Variants in MAP9 observed in about 807,000 individuals in gnomAD.
MAP9 encodes microtubule-associated protein 9.
In MAP9, 80 loss-of-function variants were observed where a neutral mutation model predicts 75.2. The observed-to-expected ratio is 1.06, with a 90% CI of 0.89 to 1.28. The LOEUF is 1.28. MAP9 is among the 50% of genes most tolerant of loss of function. MAP9 has a pLI of 0.00. For synonymous variants in MAP9, 235 were observed against 237.3 expected (o/e 0.99, Z 0.09); for missense variants, 753 against 719.9 (o/e 1.05, Z -0.53).
Position 155,343,184 on chromosome 4 carries a change from G to A in MAP9, c.*4599C>T, listed in dbSNP as rs1731171672. On this transcript the variant is annotated 3_prime_UTR_variant, in exon 14 of 14. Transcript: ENST00000311277. ...TTTGAAAATATGCACATTAGTATTTGTATTTTATATATATTATGTACATCA... is the reference window on the plus strand; with the variant it reads ...TTTGAAAATATGCACATTAGTATTTATATTTTATATATATTATGTACATCA... The A allele has an allele frequency of 9.7e-6, 1 of 102,618 alleles. No homozygotes were observed. The highest frequency in any genetic ancestry group is 1.8e-5 in the Non-Finnish European group (1 of 55,622). 6.4% of individuals were successfully genotyped at this position (102,618 alleles called of 1,614,324 possible). A position where few individuals can be genotyped will look rare whatever the true frequency, so the allele number is the denominator to read the frequency against.
At chr4:155,350,984 A>C (rs1731486575) in intron 13 of MAP9, 1 of 151,860 alleles carries the variant, frequency 6.6e-6, no homozygotes, top group Admixed American at 6.6e-5. Context: ...TAAATCGCTC[A>C]TTTTGGTCCC....
At chr4:155,354,044 G>A (rs1376591429) in intron 10 of MAP9, among the ~76,000 whole-genome samples, 4 of 152,108 alleles carry the variant, frequency 2.6e-5, no homozygotes, top group South Asian at 2.1e-4. Flanking sequence ...ACAGAGCTAC[G>A]AAAATCAAAT....
intron 6 of MAP9, among the ~76,000 whole-genome samples, chr4:155,361,605 CA>C (rs1320376435): frequency 6.6e-6 from 1 of 152,118 alleles, no homozygotes; most frequent in African/African-American, 2.4e-5. Flanking sequence ...TTTTAAAGAT[CA>C]ACATACAGGG....
At chr4:155,350,215 T>C (rs1187883200) in intron 13 of MAP9, 1 of 453,172 alleles carries the variant, frequency 2.2e-6, no homozygotes, top group Non-Finnish European at 4.4e-6. Flanking sequence ...TAGACTCCTA[T>C]ACAGGGGCAA....
chr4:155,360,175 G>T lies in MAP9; in HGVS notation c.1043C>A (p.Ser348Tyr). 6.2e-7 allele frequency: 1 copy of T among 1,608,698 alleles called. No individual in the cohort carries two copies. Among genetic ancestry groups the T allele is most frequent in the Middle Eastern group, 1.7e-4 (1 of 6,042 alleles). The change falls in exon 7 of 14, where the codon TCT becomes TAT. Residue 348 changes from serine to tyrosine, a missense_variant. Ser to Tyr is a moderately radical substitution (Grantham distance 144). Coordinates refer to ENST00000311277, the MANE Select transcript of MAP9 (RefSeq NM_001039580.2). ...SILISTSATA[S>Y]SKKTIEDRNI... ...ATGAATTTTTACAAATACCTTTGAA[G>T]ATGCTGTTGCACTGGTAGATATTAA... is the stretch of plus-strand genomic sequence containing the variant.
Position 155,360,176 on chromosome 4 carries a change from A to ATACC in MAP9, c.1041_1042insGGTA (p.Ser348GlyfsTer8). On this transcript the variant is annotated frameshift_variant, in exon 7 of 14. Coordinates refer to ENST00000311277, the MANE Select transcript of MAP9 (RefSeq NM_001039580.2). LOFTEE classifies it high-confidence loss of function. ...TGAATTTTTACAAATACCTTTGAAG[A>ATACC]TGCTGTTGCACTGGTAGATATTAAG... 1 of 1,609,024 alleles carries ATACC rather than the reference A, an allele frequency of 6.2e-7. No homozygotes were observed. Among genetic ancestry groups the ATACC allele is most frequent in the Non-Finnish European group, 8.5e-7 (1 of 1,176,206 alleles).
rs746815023 is a variant in MAP9, at chr4:155,352,999, T to C, written c.1601A>G (p.Glu534Gly). The change falls in exon 12 of 14, where the codon GAG (glutamate) becomes GGG (glycine). Residue 534 changes from glutamate to glycine, a missense_variant. Physicochemically the swap from Glu to Gly is moderately conservative, Grantham distance 98. Transcript: ENST00000311277. ...MEYLKEKNRK[E>G]REYERAKKQK... is the part of the protein sequence containing the mutation. ...TTTCTTTGCTCTTTCATATTCTCTC[T>C]CCTTTCTATTTTTCTCTTTAAGATA... The C allele has an allele frequency of 3.9e-6, 6 of 1,542,038 alleles. No individual in the cohort carries two copies. The highest frequency in any genetic ancestry group is 5.3e-6 in the Non-Finnish European group (6 of 1,136,714).
intron 5 of MAP9, among the ~76,000 whole-genome samples, chr4:155,366,766 A>G (rs1289809329): frequency 6.6e-6 from 1 of 152,216 alleles, no homozygotes; most frequent in Non-Finnish European, 1.5e-5. Flanking sequence ...CAAAACAGAA[A>G]ATGTGAGTAC....
At chr4:155,375,313 CAAAT>C (rs1196560005) in intron 2 of MAP9, among the ~76,000 whole-genome samples, 1 of 152,016 alleles carries the variant, frequency 6.6e-6, no homozygotes, top group African/African-American at 2.4e-5. Flanking sequence ...TGGAGGGTAA[CAAAT>C]AAGAAGGGGC....
chr4:155,352,745 A>G lies in MAP9; in HGVS notation c.1689-17T>C. On this transcript the variant is annotated splice_polypyrimidine_tract_variant and intron_variant, in intron 12 of 13. Coordinates refer to ENST00000311277, the MANE Select transcript of MAP9 (RefSeq NM_001039580.2). ...TTTTCATTCCTATAGAGCATAGTAT[A>G]AAACACTGGAGAGTTAAAGGAAAAT... is the stretch of plus-strand genomic sequence containing the variant. The G allele has an allele frequency of 3.3e-6, 5 of 1,533,528 alleles. No homozygotes were observed. Among genetic ancestry groups the G allele is most frequent in the Non-Finnish European group, 4.4e-6 (5 of 1,135,530 alleles). 95.0% of individuals were successfully genotyped at this position (1,533,528 alleles called of 1,614,324 possible). A position where few individuals can be genotyped will look rare whatever the true frequency, so the allele number is the denominator to read the frequency against.
At chr4:155,356,734 A>C (rs970235618) in intron 8 of MAP9, among the ~76,000 whole-genome samples, 3 of 152,188 alleles carry the variant, frequency 2.0e-5, no homozygotes, top group African/African-American at 7.2e-5. Context: ...TTTCCTGTTA[A>C]AATAGCAGAA....
At chr4:155,352,489 G>A (rs969409142) in intron 13 of MAP9, 107 bp downstream of exon 13, 1 of 1,103,034 alleles carries the variant, frequency 9.1e-7, no homozygotes, top group Non-Finnish European at 1.3e-6. Context: ...GCAGATTCCA[G>A]GTAGAAATGA....
intron 5 of MAP9, among the ~76,000 whole-genome samples, chr4:155,364,301 T>G (rs1473678329): frequency 6.6e-6 from 1 of 151,676 alleles, no homozygotes; most frequent in Non-Finnish European, 1.5e-5. Flanking sequence ...CTGAGAAAAA[T>G]CCATCACTAG....
chr4:155,352,499 A>T (rs1731556757), intron 13 of MAP9, 97 bp downstream of exon 13: 1 of 1,207,906 alleles, frequency 8.3e-7, no homozygotes, highest in African/African-American at 1.6e-5. Context: ...GGTAGAAATG[A>T]TCAGTAGGTC....
chr4:155,350,776 A>G (rs1255892331), intron 13 of MAP9, among the ~76,000 whole-genome samples: 1 of 151,944 alleles, frequency 6.6e-6, no homozygotes, highest in Non-Finnish European at 1.5e-5. Flanking sequence ...TTTTGTTAAG[A>G]TTGCATTAAA....
chr4:155,361,388 A>G (rs140695742), intron 6 of MAP9: 36 of 152,208 alleles, frequency 2.4e-4, no homozygotes, highest in African/African-American at 8.4e-4. Flanking sequence ...ATGATACTAC[A>G]TAGTAAGCAC....
intron 13 of MAP9, among the ~76,000 whole-genome samples, chr4:155,348,704 T>A (rs975649307): frequency 1.1e-4 from 17 of 152,168 alleles, no homozygotes; most frequent in African/African-American, 4.1e-4. Flanking sequence ...TTCTGCTCAA[T>A]TATTTGGCCC....
At chr4:155,372,201 G>A (rs1432541845) in intron 4 of MAP9, among the ~76,000 whole-genome samples, 2 of 152,114 alleles carry the variant, frequency 1.3e-5, no homozygotes, top group African/African-American at 2.4e-5. Flanking sequence ...AGGAAGAAAG[G>A]AGCAGTTCCC....
intron 9 of MAP9, among the ~76,000 whole-genome samples, chr4:155,355,496 G>C (rs2880180): frequency 0.61 from 92,996 of 151,930 alleles, 29,202 homozygotes; most frequent in East Asian, 0.79. Context: ...AATTGCAATG[G>C]CATATTCTTT....
Sources: gnomAD v4.1 joint callset for allele counts (sites outside exome capture counted in the v4.1 genomes callset) on GRCh38, gnomAD v4.1.1 for gene constraint, MANE v1.5 for transcripts, NCBI Gene and HGNC (gene_info 2026-07-23, HGNC 2026-07-21) for gene names.